NAALADL2: variants seen among roughly 807,000 people sequenced by gnomAD.
NAALADL2 encodes the protein inactive N-acetylated-alpha-linked acidic dipeptidase-like protein 2.
Under a neutral mutation model 87.2 loss-of-function variants are expected in NAALADL2, and 76 were observed. The ratio of observed to expected loss-of-function variants is 0.87; its 90% CI spans 0.72 to 1.05. The LOEUF (loss-of-function observed/expected upper bound fraction) is 1.05. NAALADL2 is among the 50% of genes least tolerant of loss of function. NAALADL2 has a pLI of 0.00. For synonymous variants in NAALADL2, 354 were observed against 331.0 expected, an observed-to-expected ratio of 1.07 and a Z score of -0.75; for missense variants, 1,089 against 945.8, an observed-to-expected ratio of 1.15 and a Z score of -1.99.
At chr3:175,428,880 G>A (rs1403888406) in intron 5 of NAALADL2, among the ~76,000 whole-genome samples, 3 of 151,974 alleles carry the variant, frequency 2.0e-5, no homozygotes, top group Non-Finnish European at 4.4e-5. Flanking sequence ...ATAAATGATA[G>A]CACACTATGT....
chr3:174,895,897 A>G (rs1405438883), intron 1 of NAALADL2, among the ~76,000 whole-genome samples: 4 of 152,166 alleles, frequency 2.6e-5, no homozygotes, highest in African/African-American at 4.8e-5. Context: ...AACATATGCA[A>G]ATTAATCATT....
At chr3:175,337,827 T>C (rs1762146691) in intron 5 of NAALADL2, among the ~76,000 whole-genome samples, 1 of 152,212 alleles carries the variant, frequency 6.6e-6, no homozygotes. Flanking sequence ...AAAGAAATGC[T>C]GACTGTAGCA....
chr3:175,578,616 G>A (rs182239377), intron 10 of NAALADL2, among the ~76,000 whole-genome samples: 56 of 152,222 alleles, frequency 3.7e-4, no homozygotes, highest in Admixed American at 2.7e-3. Context: ...GAATTTAAAA[G>A]CTAGTAGCTT....
chr3:174,917,791 C>A (rs562399879), intron 1 of NAALADL2, among the ~76,000 whole-genome samples: 325 of 151,602 alleles, frequency 2.1e-3, no homozygotes, highest in Admixed American at 3.4e-3. Flanking sequence ...GAGAGAAAAT[C>A]ATTAACTTCA....
intron 2 of NAALADL2, among the ~76,000 whole-genome samples, chr3:174,616,550 A>C (rs933328226): frequency 3.9e-5 from 6 of 151,986 alleles, no homozygotes; most frequent in African/African-American, 1.4e-4. Context: ...AAATGTATGT[A>C]TATTCCCTCA....
At chr3:174,901,666 A>T (rs1018847970) in intron 1 of NAALADL2, among the ~76,000 whole-genome samples, 38 of 152,142 alleles carry the variant, frequency 2.5e-4, no homozygotes, top group Admixed American at 2.2e-3. Flanking sequence ...GCAAAATCCA[A>T]GGACTTGCTG....
chr3:175,456,462 A>G (rs1722334592), intron 6 of NAALADL2, among the ~76,000 whole-genome samples: 1 of 150,612 alleles, frequency 6.6e-6, no homozygotes, highest in Admixed American at 6.6e-5. Flanking sequence ...TTTAACTACC[A>G]ATACACACAC....
At chr3:175,295,095 A>G (rs1300729005) in intron 4 of NAALADL2, among the ~76,000 whole-genome samples, 1 of 152,210 alleles carries the variant, frequency 6.6e-6, no homozygotes, top group Non-Finnish European at 1.5e-5. Context: ...AAAAGAGTGT[A>G]TGGCACAGAA....
At chr3:174,962,416 T>TATATATATGAC (rs1742223007) in intron 1 of NAALADL2, among the ~76,000 whole-genome samples, 1 of 59,882 alleles carries the variant, frequency 1.7e-5, no homozygotes. Flanking sequence ...CTATGACATA[T>TATATATATGAC]ATATATATAT....
At chr3:174,750,456 C>T (rs910501131) in intron 3 of NAALADL2, among the ~76,000 whole-genome samples, 1 of 24 alleles carries the variant, frequency 0.042, no homozygotes, top group Non-Finnish European at 0.071. Flanking sequence ...TGGAGACAGA[C>T]TTCTGCTGCT....
At chr3:175,058,792 TAG>T (rs1712789729) in intron 1 of NAALADL2, among the ~76,000 whole-genome samples, 1 of 152,228 alleles carries the variant, frequency 6.6e-6, no homozygotes, top group African/African-American at 2.4e-5. Context: ...CTACGGCAGC[TAG>T]AGTGTCACCT....
chr3:175,344,711 A>G (rs547708693), intron 5 of NAALADL2, among the ~76,000 whole-genome samples: 18 of 152,240 alleles, frequency 1.2e-4, no homozygotes, highest in African/African-American at 3.6e-4. Context: ...TGGATGGTAC[A>G]TTATTAATGC....
chr3:174,788,988 G>A (rs754298456), intron 3 of NAALADL2, among the ~76,000 whole-genome samples: 1 of 152,172 alleles, frequency 6.6e-6, no homozygotes, highest in Non-Finnish European at 1.5e-5. Context: ...TGTGTGATAG[G>A]AAACAGAGGT....
At chr3:174,877,549 C>T (rs1728662853) in intron 1 of NAALADL2, among the ~76,000 whole-genome samples, 2 of 152,056 alleles carry the variant, frequency 1.3e-5, no homozygotes, top group Non-Finnish European at 2.9e-5. Context: ...CACTTAGCTC[C>T]AGGAATTTCA....
At chr3:174,672,107 C>A (rs1726607931) in intron 2 of NAALADL2, among the ~76,000 whole-genome samples, 1 of 152,058 alleles carries the variant, frequency 6.6e-6, no homozygotes, top group Admixed American at 6.6e-5. Flanking sequence ...AGGCAAGAGA[C>A]ACCTATGATT....
At chr3:174,537,535 C>A (rs1336104351) in intron 1 of NAALADL2, among the ~76,000 whole-genome samples, 4 of 152,086 alleles carry the variant, frequency 2.6e-5, no homozygotes, top group Non-Finnish European at 5.9e-5. Context: ...AGAATATGTA[C>A]CTACTCTTGA....
chr3:175,673,005 G>A (rs1308856729), intron 11 of NAALADL2, among the ~76,000 whole-genome samples: 32 of 152,050 alleles, frequency 2.1e-4, no homozygotes, highest in Admixed American at 2.1e-3. Context: ...GTTATTTTAT[G>A]AGGAATATTA....
chr3:174,571,667 C>T (rs1267490100), intron 2 of NAALADL2, among the ~76,000 whole-genome samples: 2 of 152,184 alleles, frequency 1.3e-5, no homozygotes, highest in African/African-American at 4.8e-5. Flanking sequence ...GTGTGAGCCA[C>T]CACTACTGAC....
upstream of NAALADL2, among the ~76,000 whole-genome samples, chr3:174,858,123 A>T (rs978731850): frequency 6.8e-6 from 1 of 148,134 alleles, no homozygotes; most frequent in East Asian, 1.9e-4. Flanking sequence ...AAATGTTTTT[A>T]TATATTATAT....
Sources: allele counts gnomAD v4.1 joint callset (sites outside exome capture counted in the v4.1 genomes callset), GRCh38; gene constraint gnomAD v4.1.1; transcripts MANE v1.5; gene names NCBI Gene and HGNC (gene_info 2026-07-23, HGNC 2026-07-21).